The following FMNL2 variants were observed in gnomAD, a reference collection of about 807,000 sequenced individuals.
FMNL2 encodes formin like 2, also known as formin-like protein 2.
In FMNL2, 51 loss-of-function variants were observed where a neutral mutation model predicts 130.2. The observed-to-expected ratio is 0.39, with a 90% CI of 0.31 to 0.49. The LOEUF (loss-of-function observed/expected upper bound fraction) is 0.49, where lower values mean the gene tolerates loss of function less well. Ranked by LOEUF, FMNL2 falls within the 20% of genes least tolerant of loss-of-function variation. FMNL2 has a pLI of 0.85. For missense variants in FMNL2, 977 were observed against 1,316.2 expected (o/e 0.74, Z 3.99); for synonymous variants, 465 against 467.1 (o/e 1.00, Z 0.06).
intron 9 of FMNL2, among the ~76,000 whole-genome samples, chr2:152,585,623 G>A (rs776627247): frequency 6.6e-6 from 1 of 152,076 alleles, no homozygotes; most frequent in Non-Finnish European, 1.5e-5. Context: ...TTGAAGCTGC[G>A]CCACCAGAAA....
intron 1 of FMNL2, among the ~76,000 whole-genome samples, chr2:152,484,979 G>A (rs1299840387): frequency 6.6e-6 from 1 of 152,184 alleles, no homozygotes; most frequent in East Asian, 1.9e-4. Flanking sequence ...TCATTTTCAA[G>A]GTTGTTCACC....
chr2:152,427,146 G>A (rs1579637598), intron 1 of FMNL2, among the ~76,000 whole-genome samples: 2 of 152,194 alleles, frequency 1.3e-5, no homozygotes, highest in East Asian at 1.9e-4. Context: ...TCCCAAACTA[G>A]CATAAAATGA....
chr2:152,423,637 C>T (rs1475742471), intron 1 of FMNL2, among the ~76,000 whole-genome samples: 2 of 152,180 alleles, frequency 1.3e-5, no homozygotes, highest in Admixed American at 1.3e-4. Context: ...TGTCAGTAAT[C>T]TAGGATTCCT....
At chr2:152,605,015 G>C (rs1698286223) in intron 9 of FMNL2, among the ~76,000 whole-genome samples, 1 of 149,840 alleles carries the variant, frequency 6.7e-6, no homozygotes, top group Admixed American at 6.7e-5. Flanking sequence ...CTCTTTGGGC[G>C]TAAGATGTGA....
At chr2:152,389,607 G>A (rs554803921) in intron 1 of FMNL2, among the ~76,000 whole-genome samples, 3 of 152,298 alleles carry the variant, frequency 2.0e-5, no homozygotes, top group East Asian at 1.9e-4. Flanking sequence ...TGGGCCCGGC[G>A]TGACCCGAAG....
intron 1 of FMNL2, among the ~76,000 whole-genome samples, chr2:152,480,821 C>T (rs1395487606): frequency 3.3e-5 from 5 of 152,034 alleles, no homozygotes; most frequent in African/African-American, 1.2e-4. Flanking sequence ...AAATGTATCA[C>T]CAGCCTTGAG....
intron 7 of FMNL2, among the ~76,000 whole-genome samples, chr2:152,577,355 C>G (rs770784383): frequency 7.9e-5 from 12 of 152,078 alleles, no homozygotes; most frequent in East Asian, 1.9e-4. Flanking sequence ...AATTCTGTTT[C>G]GGGGATTTTA....
chr2:152,402,804 C>T (rs1446811502), intron 1 of FMNL2, among the ~76,000 whole-genome samples: 1 of 152,162 alleles, frequency 6.6e-6, no homozygotes, highest in African/African-American at 2.4e-5. Context: ...GTATGTTTAT[C>T]ACACTTAATG....
At chr2:152,387,367 G>C (rs1684842154) in intron 1 of FMNL2, among the ~76,000 whole-genome samples, 1 of 152,178 alleles carries the variant, frequency 6.6e-6, no homozygotes, top group Admixed American at 6.5e-5. Flanking sequence ...GTAGGCCTTT[G>C]ATAAATGTTT....
intron 7 of FMNL2, among the ~76,000 whole-genome samples, chr2:152,575,494 G>A (rs1232926478): frequency 1.3e-5 from 2 of 151,578 alleles, no homozygotes; most frequent in Non-Finnish European, 2.9e-5. Flanking sequence ...TGGTTTCTTT[G>A]TATTATTTCT....
intron 1 of FMNL2, among the ~76,000 whole-genome samples, chr2:152,364,875 A>T (rs1324734081): frequency 6.6e-6 from 1 of 152,234 alleles, no homozygotes; most frequent in African/African-American, 2.4e-5. Flanking sequence ...TTCTGTCTAG[A>T]ACACCCCTCC....
At chr2:152,462,986 A>T (rs1689331640) in intron 1 of FMNL2, among the ~76,000 whole-genome samples, 1 of 152,198 alleles carries the variant, frequency 6.6e-6, no homozygotes, top group Non-Finnish European at 1.5e-5. Context: ...TTGTAGTCCA[A>T]CAGATTCGTT....
At chr2:152,364,244 C>T (rs1579485332) in intron 1 of FMNL2, among the ~76,000 whole-genome samples, 1 of 138,574 alleles carries the variant, frequency 7.2e-6, no homozygotes, top group Non-Finnish European at 1.5e-5. Flanking sequence ...GTTTCACATC[C>T]GTTAGGAGGT....
intron 9 of FMNL2, among the ~76,000 whole-genome samples, chr2:152,597,610 T>C (rs73971905): frequency 0.019 from 2,951 of 152,330 alleles, 107 homozygotes; most frequent in African/African-American, 0.065. Context: ...TGATGCATGC[T>C]ATGGCACTGG....
rs192140918 is a variant in FMNL2, at chr2:152,401,440, C to A, written c.117+65720C>A. On this transcript the variant is annotated intron_variant, in intron 1 of 25. Coordinates refer to ENST00000288670, the MANE Select transcript of FMNL2 (RefSeq NM_052905.4). ...ACTGCCTTTTCACCTGGTAGATGCC[C>A]ATGAGTTAGTTGAGTTGAATTGAAA... 3.7e-4 allele frequency among the ~76,000 whole-genome samples: 56 copies of A among 152,288 alleles called. No homozygotes were observed. The East Asian group carries it at 6.8e-3, about 18-fold the overall frequency.
intron 1 of FMNL2, among the ~76,000 whole-genome samples, chr2:152,391,312 C>G (rs935377154): frequency 1.3e-5 from 2 of 152,152 alleles, no homozygotes; most frequent in African/African-American, 4.8e-5. Context: ...CTGGGAGATT[C>G]TGACAGATTA....
intron 1 of FMNL2, among the ~76,000 whole-genome samples, chr2:152,340,106 A>G (rs928171367): frequency 1.3e-5 from 2 of 152,216 alleles, no homozygotes; most frequent in Non-Finnish European, 2.9e-5. Context: ...GGATCATTTG[A>G]GTCCTGGAGG....
chr2:152,439,229 A>G (rs1460991550), intron 1 of FMNL2, among the ~76,000 whole-genome samples: 1 of 152,142 alleles, frequency 6.6e-6, no homozygotes, highest in African/African-American at 2.4e-5. Context: ...GAAAATGGTC[A>G]AAAATGAAAT....
At chr2:152,463,930 G>T (rs918652309) in intron 1 of FMNL2, among the ~76,000 whole-genome samples, 1 of 152,038 alleles carries the variant, frequency 6.6e-6, no homozygotes, top group African/African-American at 2.4e-5. Flanking sequence ...CTTCCTTTGT[G>T]TGTGTGTATG....
Sources: allele counts gnomAD v4.1 joint callset (sites outside exome capture counted in the v4.1 genomes callset), GRCh38; gene constraint gnomAD v4.1.1; transcripts MANE v1.5; gene names NCBI Gene and HGNC (gene_info 2026-07-23, HGNC 2026-07-21).